The following PROX1 variants were observed in gnomAD, a reference collection of about 807,000 sequenced individuals.
The protein encoded by PROX1 is prospero homeobox protein 1.
A neutral mutation model predicts 58.8 loss-of-function variants in PROX1; 7 were observed. The observed-to-expected ratio is 0.12, with a 90% CI of 0.07 to 0.22. PROX1 has a LOEUF of 0.22. Among genes scored for constraint, PROX1 ranks in the 10% least tolerant of loss-of-function variants. The probability of loss-of-function intolerance (pLI) is 1.00; values close to 1 mark genes in which losing one functional copy is unlikely to be tolerated. For synonymous variants in PROX1, 350 were observed against 358.3 expected (o/e 0.98, Z 0.26); for missense variants, 675 against 927.8 (o/e 0.73, Z 3.54).
At chr1:214,008,374 T>C (rs1663791629) in intron 3 of PROX1, among the ~76,000 whole-genome samples, 1 of 151,468 alleles carries the variant, frequency 6.6e-6, no homozygotes, top group African/African-American at 2.4e-5. Context: ...TATTTAGTGA[T>C]CATAAGTTCA....
chr1:214,031,066 T>TGTGTGC (rs1231686198), intron 4 of PROX1, among the ~76,000 whole-genome samples: 211 of 95,130 alleles, frequency 2.2e-3, no homozygotes, highest in African/African-American at 5.1e-3. Context: ...TGTGTGTGTG[T>TGTGTGC]GCGCGCGCGC....
intron 2 of PROX1, among the ~76,000 whole-genome samples, chr1:213,998,900 T>C (rs1663389480): frequency 6.6e-6 from 1 of 151,952 alleles, no homozygotes; most frequent in East Asian, 1.9e-4. Flanking sequence ...AATATACAGG[T>C]ACTGATTTAT....
At chr1:214,034,415 T>C (rs986786906) in intron 4 of PROX1, among the ~76,000 whole-genome samples, 1 of 152,176 alleles carries the variant, frequency 6.6e-6, no homozygotes. Context: ...CTATGATACG[T>C]TTATGTCCTC....
intron 1 of PROX1, among the ~76,000 whole-genome samples, chr1:213,995,463 G>GTT (rs58470774): frequency 8.9e-5 from 13 of 145,724 alleles, no homozygotes; most frequent in East Asian, 6.1e-4. Flanking sequence ...AGTTTTTTCT[G>GTT]TTTTTTTTTT....
chr1:214,035,597 T>C (rs1664802150), intron 4 of PROX1, 52 bp from the exon 5 acceptor site: 1 of 1,542,974 alleles, frequency 6.5e-7, no homozygotes, highest in Non-Finnish European at 8.8e-7. Flanking sequence ...GGAATAACTG[T>C]AGACTTGAAA....
At chr1:214,033,908 C>A (rs568960108) in intron 4 of PROX1, among the ~76,000 whole-genome samples, 2 of 152,306 alleles carry the variant, frequency 1.3e-5, no homozygotes, top group South Asian at 2.1e-4. Context: ...AGAAAATCCA[C>A]ATGAATTCTC....
At position 214,036,911 on chromosome 1, in the gene PROX1, C is replaced by T. The variant is rs1664847320; in HGVS notation, c.*1077C>T. 1.3e-5 allele frequency: 2 copies of T among 152,236 alleles called. No homozygotes were observed. The highest frequency in any genetic ancestry group is 2.9e-5 in the Non-Finnish European group (2 of 68,046). The allele number at this position is 152,236 out of a possible 1,614,324, so 9.4% of individuals were successfully genotyped here. A position where few individuals can be genotyped will look rare whatever the true frequency, so the allele number is the denominator to read the frequency against. On this transcript the variant is annotated 3_prime_UTR_variant, in exon 5 of 5. Coordinates refer to ENST00000366958, the MANE Select transcript of PROX1 (RefSeq NM_001270616.2). ...ACATATATTTTCACAAGCAATTCCACACTATCCTGATGGGTATGCAAAGTG... is the reference window on the plus strand; with the variant it reads ...ACATATATTTTCACAAGCAATTCCATACTATCCTGATGGGTATGCAAAGTG...
intron 2 of PROX1, among the ~76,000 whole-genome samples, chr1:214,000,998 T>C (rs1299599118): frequency 7.2e-6 from 1 of 138,488 alleles, no homozygotes; most frequent in East Asian, 2.2e-4. Flanking sequence ...TGTAATGAAA[T>C]GGTACAACTG....
chr1:214,009,525 A>G (rs1457114593), intron 3 of PROX1, among the ~76,000 whole-genome samples: 1 of 152,136 alleles, frequency 6.6e-6, no homozygotes, highest in African/African-American at 2.4e-5. Context: ...CTTCTCCTGG[A>G]GGGAAACCCT....
chr1:214,010,545 GTT>G (rs150299387), intron 3 of PROX1, among the ~76,000 whole-genome samples: 2,150 of 152,184 alleles, frequency 0.014, 22 homozygotes, highest in Non-Finnish European at 0.019. Context: ...AAGGCAGGGG[GTT>G]GTCTGTCAGC....
rs1664916777 is a variant in PROX1, at chr1:214,038,900, A to AT, written c.*3072dup. The AT allele has an allele frequency of 6.6e-6, 1 of 152,084 alleles. No homozygotes were observed. Among genetic ancestry groups the AT allele is most frequent in the Non-Finnish European group, 1.5e-5 (1 of 68,014 alleles). The allele number at this position is 152,084 out of a possible 1,614,324, so 9.4% of individuals were successfully genotyped here. On this transcript the variant is annotated 3_prime_UTR_variant, in exon 5 of 5. Transcript: ENST00000366958. Reference sequence around the variant, plus strand: ...TTAGAACAGTTTGATACCGCAAATTATTTTTTCCTCAATTGTTTGAGCAGC... The same window carrying AT: ...TTAGAACAGTTTGATACCGCAAATTATTTTTTTCCTCAATTGTTTGAGCAGC...
intron 2 of PROX1, among the ~76,000 whole-genome samples, chr1:213,998,787 G>A (rs936224190): frequency 6.6e-6 from 1 of 152,182 alleles, no homozygotes; most frequent in African/African-American, 2.4e-5. Context: ...TGAAATCTTA[G>A]GAAGAGCGCT....
chr1:213,988,398 C>CG lies in PROX1; in HGVS notation c.-148dup, dbSNP rs1295545710. 2 of 109,128 alleles carry CG rather than the reference C, an allele frequency of 1.8e-5. No homozygotes were observed. Among genetic ancestry groups the CG allele is most frequent in the East Asian group, 6.1e-4 (2 of 3,272 alleles). The allele number at this position is 109,128 out of a possible 1,614,324, so 6.8% of individuals were successfully genotyped here. A position where few individuals can be genotyped will look rare whatever the true frequency, so the allele number is the denominator to read the frequency against. ...CACTCGCGTGTTTTCCTCTCTCTGC[C>CG]GGGGGAAAAAAAAGAGAGAGAGAGA... On this transcript the variant is annotated 5_prime_UTR_variant, in exon 1 of 5. Transcript: ENST00000366958.
chr1:214,005,458 T>C (rs552548987), intron 3 of PROX1, among the ~76,000 whole-genome samples, 186 bp downstream of exon 3: 1 of 152,342 alleles, frequency 6.6e-6, no homozygotes, highest in African/African-American at 2.4e-5. Context: ...TGTATTAAGA[T>C]TGGAAGACTG....
At chr1:213,995,894 G>A (rs1274168035) in intron 1 of PROX1, among the ~76,000 whole-genome samples, 1 of 152,112 alleles carries the variant, frequency 6.6e-6, no homozygotes, top group Non-Finnish European at 1.5e-5. Context: ...TGCTAAGGGT[G>A]TTCTCCTTCC....
Position 213,997,988 on chromosome 1 carries a change from C to T in PROX1, c.1453C>T (p.Pro485Ser). 1.2e-6 allele frequency: 2 copies of T among 1,613,784 alleles called. No homozygotes were observed. The highest frequency in any genetic ancestry group is 8.5e-7 in the Non-Finnish European group (1 of 1,179,816). ...CACGTCCACCTTCCGCCACCCCTTCCCCCTTCCCTTGATGGCCTATCCATT... is the reference window on the plus strand; with the variant it reads ...CACGTCCACCTTCCGCCACCCCTTCTCCCTTCCCTTGATGGCCTATCCATT... ...FTTSTFRHPF[P>S]LPLMAYPFQS... is the part of the protein sequence containing the mutation. The change falls in exon 2 of 5, where the codon CCC becomes TCC. Residue 485 changes from proline to serine, a missense_variant. By Grantham distance (74) the Pro-to-Ser change is moderately conservative. Coordinates refer to ENST00000366958, the MANE Select transcript of PROX1 (RefSeq NM_001270616.2). The surrounding 1 kb of genome is among the most constrained non-coding windows in gnomAD (Gnocchi z 7.1).
intron 2 of PROX1, among the ~76,000 whole-genome samples, chr1:214,003,269 G>A (rs981537223): frequency 7.9e-5 from 12 of 152,200 alleles, no homozygotes; most frequent in African/African-American, 2.2e-4. Flanking sequence ...AATGCATGAC[G>A]TTGTCTTAAT....
intron 4 of PROX1, among the ~76,000 whole-genome samples, chr1:214,011,952 A>T (rs1010380049): frequency 6.6e-6 from 1 of 152,090 alleles, no homozygotes; most frequent in Non-Finnish European, 1.5e-5. Flanking sequence ...TGGAAGACTC[A>T]TTTGGCCACA....
At chr1:214,013,310 T>C (rs922714471) in intron 4 of PROX1, among the ~76,000 whole-genome samples, 6 of 152,206 alleles carry the variant, frequency 3.9e-5, no homozygotes, top group African/African-American at 1.4e-4. Flanking sequence ...CTGAAGAATA[T>C]GATTATGGCT....
Sources: allele counts gnomAD v4.1 joint callset (sites outside exome capture counted in the v4.1 genomes callset), GRCh38; gene constraint gnomAD v4.1.1; non-coding constraint Gnocchi (gnomAD v3.1); transcripts MANE v1.5; gene names NCBI Gene and HGNC (gene_info 2026-07-23, HGNC 2026-07-21).